Variants in ADCY8 observed in about 807,000 individuals in gnomAD.
The protein encoded by ADCY8 is adenylate cyclase 8.
A neutral mutation model predicts 119.7 loss-of-function variants in ADCY8; 51 were observed. The observed-to-expected ratio is 0.43, with a 90% CI of 0.34 to 0.54. The LOEUF (loss-of-function observed/expected upper bound fraction) is 0.54, where lower values mean the gene tolerates loss of function less well. ADCY8 is among the 20% of genes least tolerant of loss of function. The pLI is 0.03. For synonymous variants in ADCY8, 665 were observed against 651.0 expected (o/e 1.02, Z -0.33); for missense variants, 1,383 against 1,598.8 (o/e 0.87, Z 2.30).
In ADCY8 at chr8:130,909,857, C is replaced by T. The variant is rs780296989; in HGVS notation, c.1491G>A (p.Arg497=). The T allele has an allele frequency of 6.2e-7, 1 of 1,614,100 alleles. No homozygotes were observed. Among genetic ancestry groups the T allele is most frequent in the East Asian group, 2.2e-5 (1 of 44,880 alleles). ...LSMIKTIRYV[R]SRTKHDVDMR... is the part of the protein sequence containing the mutation. ...TGTCAACATCGTGTTTTGTCCTTGA[C>T]CGCACATACCTGTTGACATAGGTAA... Residue 497 remains arginine (R), a synonymous_variant, in exon 6 of 18, where the codon CGG becomes CGA. Transcript: ENST00000286355.
chr8:130,938,262 G>T (rs547203711), intron 4 of ADCY8, among the ~76,000 whole-genome samples: 1 of 152,146 alleles, frequency 6.6e-6, no homozygotes, highest in Non-Finnish European at 1.5e-5. Context: ...CACTATGAGG[G>T]TTAAGTGAGA....
intron 15 of ADCY8, among the ~76,000 whole-genome samples, chr8:130,792,360 TATC>T: frequency 6.6e-6 from 1 of 152,326 alleles, no homozygotes; most frequent in East Asian, 1.9e-4. Context: ...TTCCTTGTGG[TATC>T]ATCATGTCTT....
At chr8:130,952,197 G>C (rs143694189) in intron 2 of ADCY8, among the ~76,000 whole-genome samples, 199 bp from the exon 3 acceptor site, 1 of 152,140 alleles carries the variant, frequency 6.6e-6, no homozygotes, top group African/African-American at 2.4e-5. Context: ...ATATATAGTG[G>C]TGAACCAAAT....
chr8:130,780,681 C>A lies in ADCY8; in HGVS notation c.3465G>T (p.Val1155=), dbSNP rs771913226. ...TTCCTTCCTGTTCACTGATACCCTT[C>A]ACATAGATCTCCCCTCGGTAATCAA... is the stretch of plus-strand genomic sequence containing the variant. ...FAFDYRGEIY[V]KGISEQEGKI... is the part of the protein sequence containing the mutation. Residue 1155 remains valine, a synonymous_variant, in exon 18 of 18, where the codon GTG becomes GTT. Transcript: ENST00000286355. 1 of 1,614,208 alleles carries A rather than the reference C, an allele frequency of 6.2e-7. No homozygotes were observed. Among genetic ancestry groups the A allele is most frequent in the South Asian group, 1.1e-5 (1 of 91,082 alleles).
chr8:130,975,271 A>G (rs1301532453), intron 2 of ADCY8, among the ~76,000 whole-genome samples: 2 of 152,184 alleles, frequency 1.3e-5, no homozygotes, highest in East Asian at 1.9e-4. Flanking sequence ...ATTGCACCAC[A>G]TATCTCTCTA....
At chr8:130,941,019 G>A (rs1338669921) in intron 4 of ADCY8, among the ~76,000 whole-genome samples, 3 of 152,222 alleles carry the variant, frequency 2.0e-5, no homozygotes, top group Middle Eastern at 3.4e-3. Context: ...TTAATAAGCA[G>A]AAAAACTCAA....
intron 2 of ADCY8, among the ~76,000 whole-genome samples, chr8:130,988,364 A>G (rs959835178): frequency 2.0e-5 from 3 of 152,212 alleles, no homozygotes; most frequent in African/African-American, 7.2e-5. Context: ...ACAGGACTAA[A>G]AGAAGCCTAC....
intron 7 of ADCY8, among the ~76,000 whole-genome samples, chr8:130,897,032 C>G (rs1220196267): frequency 1.3e-5 from 2 of 152,072 alleles, no homozygotes; most frequent in Non-Finnish European, 2.9e-5. Context: ...AGTGGTTGCC[C>G]AAGGTCTCTT....
chr8:130,798,046 A>G (rs1468107018), intron 15 of ADCY8, among the ~76,000 whole-genome samples: 1 of 152,238 alleles, frequency 6.6e-6, no homozygotes, highest in Non-Finnish European at 1.5e-5. Flanking sequence ...TTTAAAATGA[A>G]GGCTAATAAT....
intron 7 of ADCY8, among the ~76,000 whole-genome samples, chr8:130,896,731 G>T (rs980590191): frequency 6.6e-6 from 1 of 151,954 alleles, no homozygotes; most frequent in Admixed American, 6.6e-5. Flanking sequence ...TTTAACTCCT[G>T]TTGCTGAATT....
At chr8:130,831,452 G>A (rs1816831748) in intron 12 of ADCY8, among the ~76,000 whole-genome samples, 1 of 152,156 alleles carries the variant, frequency 6.6e-6, no homozygotes, top group Non-Finnish European at 1.5e-5. Context: ...ATGAGGAATG[G>A]CCAAAGATGG....
chr8:130,891,918 A>G (rs941516872), intron 7 of ADCY8, among the ~76,000 whole-genome samples: 1 of 152,210 alleles, frequency 6.6e-6, no homozygotes, highest in Non-Finnish European at 1.5e-5. Context: ...AAAATGAAAC[A>G]GTACAGCCAA....
chr8:130,849,557 A>G (rs770804144), intron 10 of ADCY8, 45 bp downstream of exon 10: 6 of 1,600,730 alleles, frequency 3.7e-6, no homozygotes, highest in South Asian at 3.3e-5. Context: ...TTCATGCTCA[A>G]CTGCACACTA....
intron 7 of ADCY8, among the ~76,000 whole-genome samples, chr8:130,885,926 T>C (rs763603769): frequency 6.6e-6 from 1 of 152,062 alleles, no homozygotes; most frequent in Non-Finnish European, 1.5e-5. Context: ...AGAGGTGACA[T>C]AGGACCTTGC....
chr8:130,911,898 T>G (rs1003875746), intron 5 of ADCY8, among the ~76,000 whole-genome samples: 1 of 152,162 alleles, frequency 6.6e-6, no homozygotes, highest in Admixed American at 6.5e-5. Context: ...AAATTCCTAG[T>G]CTGGCACACA....
intron 16 of ADCY8, among the ~76,000 whole-genome samples, chr8:130,784,244 T>C (rs13278937): frequency 0.69 from 92,717 of 134,304 alleles, 29,139 homozygotes; most frequent in African/African-American, 0.77. Flanking sequence ...ATATGTGCTC[T>C]TATGTATGTG....
chr8:130,992,382 C>CACATATATATAT lies in ADCY8; in HGVS notation c.961-1841_961-1840insATATATATATGT, dbSNP rs1563758967. Among the ~76,000 whole-genome samples, 21 of 78,086 alleles carry CACATATATATAT rather than the reference C, an allele frequency of 2.7e-4. 2 individuals are homozygous for CACATATATATAT. The highest frequency in any genetic ancestry group is 1.1e-3 in the African/African-American group (20 of 18,760). 51.2% of individuals were successfully genotyped at this position (78,086 alleles called of 152,430 possible). Reference sequence around the variant, plus strand: ...TACATACATGAGCAACTGTATCTGGCATATATATATATATATATATATATA... The same window carrying CACATATATATAT: ...TACATACATGAGCAACTGTATCTGGCACATATATATATATATATATATATATATATATATATA... On this transcript the variant is annotated intron_variant, in intron 1 of 17. Coordinates refer to ENST00000286355, the MANE Select transcript of ADCY8 (RefSeq NM_001115.3).
chr8:130,998,426 G>T (rs956276443), intron 1 of ADCY8, among the ~76,000 whole-genome samples: 1 of 152,114 alleles, frequency 6.6e-6, no homozygotes, highest in African/African-American at 2.4e-5. Flanking sequence ...CCCAGCATGC[G>T]GCCCACTGTG....
intron 12 of ADCY8, among the ~76,000 whole-genome samples, chr8:130,826,974 T>G (rs1816687682): frequency 6.6e-6 from 1 of 151,804 alleles, no homozygotes; most frequent in South Asian, 2.1e-4. Context: ...AAATGACGAG[T>G]TAATGGGTGC....
Sources: gnomAD v4.1 joint callset for allele counts (sites outside exome capture counted in the v4.1 genomes callset) on GRCh38, gnomAD v4.1.1 for gene constraint, MANE v1.5 for transcripts, NCBI Gene and HGNC (gene_info 2026-07-23, HGNC 2026-07-21) for gene names.